DZIP1L: variants seen among roughly 807,000 people sequenced by gnomAD.
The protein encoded by DZIP1L is DAZ interacting zinc finger protein 1 like.
Under a neutral mutation model 88.7 loss-of-function variants are expected in DZIP1L, and 90 were observed. The observed-to-expected ratio is 1.02, with a 90% CI of 0.86 to 1.21. The LOEUF (loss-of-function observed/expected upper bound fraction) is 1.21, where lower values mean the gene tolerates loss of function less well. Ranked by LOEUF, DZIP1L falls within the 50% of genes most tolerant of loss-of-function variation. The pLI, the probability that DZIP1L is intolerant of heterozygous loss-of-function variation, is 0.00. For synonymous variants in DZIP1L, 363 were observed against 372.1 expected, an observed-to-expected ratio of 0.98 and a Z score of 0.28; for missense variants, 932 against 955.8, an observed-to-expected ratio of 0.98 and a Z score of 0.33.
intron 12 of DZIP1L, 36 bp from the exon 13 acceptor site, chr3:138,068,403 C>T (rs1014218013): frequency 4.2e-6 from 6 of 1,433,854 alleles, no homozygotes; most frequent in Non-Finnish European, 3.7e-6. Flanking sequence ...TTGGAGTACA[C>T]CCATGCTGGA....
intron 3 of DZIP1L, 73 bp from the exon 4 acceptor site, chr3:138,095,056 C>T: frequency 1.9e-6 from 3 of 1,605,020 alleles, no homozygotes; most frequent in Non-Finnish European, 2.6e-6. Context: ...CTCACCTTGT[C>T]AATCAGCCAT....
At chr3:138,109,823 G>A (rs2042588462) in intron 1 of DZIP1L, among the ~76,000 whole-genome samples, 1 of 152,182 alleles carries the variant, frequency 6.6e-6, no homozygotes, top group African/African-American at 2.4e-5. Flanking sequence ...CATGGATGAA[G>A]CTGGAAATCA....
intron 11 of DZIP1L, 103 bp downstream of exon 11, chr3:138,077,396 A>C: frequency 7.3e-6 from 11 of 1,510,614 alleles, no homozygotes; most frequent in East Asian, 2.3e-5. Flanking sequence ...AGTGAGATGA[A>C]TGAGCTCACA....
intron 1 of DZIP1L, among the ~76,000 whole-genome samples, chr3:138,110,442 A>G (rs1457662806): frequency 6.6e-6 from 1 of 152,202 alleles, no homozygotes; most frequent in African/African-American, 2.4e-5. Context: ...CCTAGAACTT[A>G]AAGTATAATA....
chr3:138,074,666 G>A (rs1943322070), intron 11 of DZIP1L, among the ~76,000 whole-genome samples: 1 of 149,204 alleles, frequency 6.7e-6, no homozygotes, highest in Admixed American at 6.7e-5. Flanking sequence ...ACAAATCCAT[G>A]AAATACAACA....
intron 7 of DZIP1L, among the ~76,000 whole-genome samples, chr3:138,086,583 G>A (rs1559842810): frequency 6.6e-6 from 1 of 152,154 alleles, no homozygotes; most frequent in East Asian, 1.9e-4. Context: ...CAGCCGCCTG[G>A]TTCTCTCCTA....
chr3:138,093,115 C>A (rs1397526961), intron 4 of DZIP1L, among the ~76,000 whole-genome samples: 1 of 152,172 alleles, frequency 6.6e-6, no homozygotes, highest in East Asian at 1.9e-4. Flanking sequence ...TATAACCTTA[C>A]AAAATGTATT....
At position 138,063,140 on chromosome 3, in the gene DZIP1L, T is replaced by C. The variant is rs1003979711; in HGVS notation, c.2143-163A>G. Among the ~76,000 whole-genome samples, 1 of 152,314 alleles carries C rather than the reference T, an allele frequency of 6.6e-6. No individual in the cohort carries two copies. The highest frequency in any genetic ancestry group is 1.5e-5 in the Non-Finnish European group (1 of 68,020). On this transcript the variant is annotated intron_variant, in intron 15 of 15. Coordinates refer to ENST00000327532, the MANE Select transcript of DZIP1L (RefSeq NM_173543.3). The surrounding 1 kb of genome is among the most constrained non-coding windows in gnomAD (Gnocchi z 4.1). Reference sequence around the variant, plus strand: ...CTACTCCTCCTGACTTCTCAAGTCTTCCTGCCTTTGAGAACCTGCTTTAGT... The same window carrying C: ...CTACTCCTCCTGACTTCTCAAGTCTCCCTGCCTTTGAGAACCTGCTTTAGT...
At chr3:138,078,788 C>T (rs1039301009) in intron 10 of DZIP1L, among the ~76,000 whole-genome samples, 3 of 152,184 alleles carry the variant, frequency 2.0e-5, no homozygotes, top group African/African-American at 7.2e-5. Context: ...ACCTTGTCTG[C>T]ACATTGGAAT....
intron 10 of DZIP1L, among the ~76,000 whole-genome samples, chr3:138,078,242 G>A (rs535933371): frequency 3.0e-4 from 46 of 152,328 alleles, no homozygotes; most frequent in East Asian, 1.2e-3. Flanking sequence ...GGCCTCCTAC[G>A]GTGTTCTTCA....
In DZIP1L at chr3:138,062,808, G is replaced by C; in HGVS notation, c.*8C>G. 1.2e-6 allele frequency: 2 copies of C among 1,613,670 alleles called. No homozygotes were observed. Among genetic ancestry groups the C allele is most frequent in the Non-Finnish European group, 1.7e-6 (2 of 1,180,010 alleles). On this transcript the variant is annotated 3_prime_UTR_variant, in exon 16 of 16. Transcript: ENST00000327532. ...CTAACCCTCTAGCCAGCTAGCTTCT[G>C]GGGTGAATCACCAGGCAGGGACCCT...
At chr3:138,072,945 T>C (rs374562961) in intron 11 of DZIP1L, among the ~76,000 whole-genome samples, 1 of 152,146 alleles carries the variant, frequency 6.6e-6, no homozygotes, top group South Asian at 2.1e-4. Context: ...GAGGCAGCCA[T>C]AATCCCCCTG....
At chr3:138,080,527 T>G in intron 10 of DZIP1L, 40 bp downstream of exon 10, 1 of 1,610,376 alleles carries the variant, frequency 6.2e-7, no homozygotes, top group South Asian at 1.1e-5. Context: ...AGCAAATCTG[T>G]TTCTGCACTG....
chr3:138,085,910 T>C (rs933315143), intron 7 of DZIP1L, among the ~76,000 whole-genome samples: 17 of 152,214 alleles, frequency 1.1e-4, no homozygotes, highest in Non-Finnish European at 1.6e-4. Context: ...ATATACACCA[T>C]GGAATACTAT....
At chr3:138,069,107 G>A (rs1486236897) in intron 12 of DZIP1L, 44 of 855,834 alleles carry the variant, frequency 5.1e-5, no homozygotes, top group Middle Eastern at 2.2e-4. Context: ...ATTTTCTTCC[G>A]ACTCTGCCAC....
At position 138,064,834 on chromosome 3, in the gene DZIP1L, C is replaced by T. The variant is rs1942826704; in HGVS notation, c.2003-67G>A. The T allele has an allele frequency of 2.0e-6, 3 of 1,526,234 alleles. No individual in the cohort carries two copies. In the Admixed American group the frequency reaches 6.6e-5, roughly 33 times the overall value. 94.5% of individuals were successfully genotyped at this position (1,526,234 alleles called of 1,614,324 possible). ...GAAAATGAACATCTCAGTTTTGTGG[C>T]TCATGTCCAGGCTCCAGTGTGGATA... is the stretch of plus-strand genomic sequence containing the variant. On this transcript the variant is annotated intron_variant, in intron 14 of 15. Coordinates refer to ENST00000327532, the MANE Select transcript of DZIP1L (RefSeq NM_173543.3).
chr3:138,079,716 C>CT lies in DZIP1L; in HGVS notation c.1288+850dup, dbSNP rs879796891. On this transcript the variant is annotated intron_variant, in intron 10 of 15. Coordinates refer to ENST00000327532, the MANE Select transcript of DZIP1L (RefSeq NM_173543.3). Reference sequence around the variant, plus strand: ...CACTGCATACCCTTTTATACCATTCCTTTTTTTTTCCAAAGTGCATAGATT... The same window carrying CT: ...CACTGCATACCCTTTTATACCATTCCTTTTTTTTTTCCAAAGTGCATAGATT... 9.2e-5 allele frequency among the ~76,000 whole-genome samples: 14 copies of CT among 151,546 alleles called. No homozygotes were observed. In the East Asian group the frequency reaches 9.7e-4, roughly 10 times the overall value.
In DZIP1L at chr3:138,092,383, C is replaced by A; in HGVS notation, c.870G>T (p.Glu290Asp). 2 of 1,547,872 alleles carry A rather than the reference C, an allele frequency of 1.3e-6. No homozygotes were observed. The highest frequency in any genetic ancestry group is 1.3e-5 in the South Asian group (1 of 77,202). Residue 290 changes from glutamate to aspartate, a missense_variant and splice_region_variant, in exon 5 of 16, where the codon GAG becomes GAT. By Grantham distance (45) the Glu-to-Asp change is conservative (BLOSUM62 2). Coordinates refer to ENST00000327532, the MANE Select transcript of DZIP1L (RefSeq NM_173543.3). ...TTAAAAAGCCTTTTATGTTGGGTAC[C>A]TCTTCTAGTGTAGAGTTCTGCTTGG... ...NVAKQNSTLE[E>D]KLRALQSHSV... is the part of the protein sequence containing the mutation.
At chr3:138,105,743 C>T (rs1053278518) in intron 1 of DZIP1L, among the ~76,000 whole-genome samples, 2 of 151,878 alleles carry the variant, frequency 1.3e-5, no homozygotes, top group African/African-American at 4.8e-5. Context: ...TACACCCATA[C>T]ACACACATAC....
Sources: allele counts gnomAD v4.1 joint callset (sites outside exome capture counted in the v4.1 genomes callset), GRCh38; gene constraint gnomAD v4.1.1; non-coding constraint Gnocchi (gnomAD v3.1); transcripts MANE v1.5; gene names NCBI Gene and HGNC (gene_info 2026-07-23, HGNC 2026-07-21).